The following RPTOR variants were observed in gnomAD, a reference collection of about 807,000 sequenced individuals.
RPTOR encodes regulatory-associated protein of mTOR.
RPTOR carries 21 observed loss-of-function variants against 169.9 expected under a neutral mutation model. That is an observed-to-expected ratio of 0.12 (90% CI 0.09 to 0.18). The LOEUF (loss-of-function observed/expected upper bound fraction) is 0.18. Ranked by LOEUF, RPTOR falls within the 10% of genes least tolerant of loss-of-function variation. RPTOR has a pLI of 1.00. For synonymous variants in RPTOR, 732 were observed against 753.2 expected (o/e 0.97, Z 0.46); for missense variants, 1,133 against 1,855.9 (o/e 0.61, Z 7.16).
rs577466692 is a variant in RPTOR, at chr17:80,633,735, C to T, written c.265+7942C>T. On this transcript the variant is annotated intron_variant, in intron 2 of 33. Coordinates refer to ENST00000306801, the MANE Select transcript of RPTOR (RefSeq NM_020761.3). This position sits in a 1 kb window ranked among gnomAD's most constrained non-coding sequence, Gnocchi z 4.1. ...GAGATTGTGCAAATATTCCTTTCCT[C>T]GTGACTTTCAATTTCTTCATTTTGA... 6.6e-6 allele frequency among the ~76,000 whole-genome samples: 1 copy of T among 152,302 alleles called. No homozygotes were observed. The highest frequency in any genetic ancestry group is 1.9e-4 in the East Asian group (1 of 5,176).
At position 80,893,696 on chromosome 17, in the gene RPTOR, G is replaced by A. The variant is rs17848701; in HGVS notation, c.2243-11G>A. ...GGGAGCACCCCACTGACCCCGTTGC[G>A]TCTCGGGCAGCTGGTGGCGCGGTGG... On this transcript the variant is annotated splice_polypyrimidine_tract_variant and intron_variant, in intron 19 of 33. Transcript: ENST00000306801. 3.9e-5 allele frequency: 63 copies of A among 1,607,694 alleles called. No homozygotes were observed. Among genetic ancestry groups the A allele is most frequent in the East Asian group, 2.3e-4 (10 of 44,270 alleles).
chr17:80,677,932 G>A (rs984599411), intron 3 of RPTOR, among the ~76,000 whole-genome samples: 4 of 152,116 alleles, frequency 2.6e-5, no homozygotes, highest in African/African-American at 9.7e-5. Context: ...TAAGGGATGG[G>A]GACTTCCAGG....
chr17:80,780,696 G>A (rs1031765953), intron 6 of RPTOR, among the ~76,000 whole-genome samples: 2 of 152,186 alleles, frequency 1.3e-5, no homozygotes, highest in Non-Finnish European at 2.9e-5. Context: ...CGTCAGGTGA[G>A]TCGTAAGAGT....
In RPTOR at chr17:80,707,286, C is replaced by T. The variant is rs1338944142; in HGVS notation, c.349-555C>T. Among the ~76,000 whole-genome samples, 1 of 152,158 alleles carries T rather than the reference C, an allele frequency of 6.6e-6. No homozygotes were observed. The highest frequency in any genetic ancestry group is 1.5e-5 in the Non-Finnish European group (1 of 68,034). ...GGTACCCCAGTGGCAGCTGCGTTTG[C>T]CTTGGTGTTGCCATGTGACAGGCAT... is the stretch of plus-strand genomic sequence containing the variant. On this transcript the variant is annotated intron_variant, in intron 3 of 33. Transcript: ENST00000306801. This position sits in a 1 kb window ranked among gnomAD's most constrained non-coding sequence, Gnocchi z 5.0.
chr17:80,648,417 A>G (rs8079156), intron 3 of RPTOR, among the ~76,000 whole-genome samples: 96,299 of 151,558 alleles, frequency 0.64, 31,031 homozygotes, highest in African/African-American at 0.74. Flanking sequence ...GAATCCAGGC[A>G]TCTTCTCCTT....
chr17:80,736,604 T>TC (rs767650137), intron 5 of RPTOR, among the ~76,000 whole-genome samples: 3 of 152,238 alleles, frequency 2.0e-5, no homozygotes, highest in Non-Finnish European at 2.9e-5. Context: ...AATGCATATC[T>TC]CACAGATCTA....
intron 4 of RPTOR, among the ~76,000 whole-genome samples, chr17:80,711,830 G>A (rs1409053362): frequency 2.9e-5 from 4 of 136,324 alleles, no homozygotes; most frequent in African/African-American, 5.7e-5. Flanking sequence ...TGCAGCGTCC[G>A]CCTCCTGGGT....
chr17:80,923,839 C>G (rs1262350960), intron 23 of RPTOR, 166 bp downstream of exon 23: 1 of 717,560 alleles, frequency 1.4e-6, no homozygotes, highest in African/African-American at 1.8e-5. Flanking sequence ...GACCCGGGTG[C>G]TGGTCCTCAC....
At position 80,964,378 on chromosome 17, in the gene RPTOR, G is replaced by C; in HGVS notation, c.*48G>C. On this transcript the variant is annotated 3_prime_UTR_variant, in exon 34 of 34. Coordinates refer to ENST00000306801, the MANE Select transcript of RPTOR (RefSeq NM_020761.3). ...GCCACGGCCGCCTGCTGTACATAGT[G>C]AAGCTGTCACTCGCCGGGGCACGGG... is the stretch of plus-strand genomic sequence containing the variant. The C allele has an allele frequency of 1.3e-6, 2 of 1,582,938 alleles. No individual in the cohort carries two copies. The highest frequency in any genetic ancestry group is 1.7e-6 in the Non-Finnish European group (2 of 1,163,534).
chr17:80,916,721 C>T (rs943862821), intron 21 of RPTOR, among the ~76,000 whole-genome samples: 47 of 152,266 alleles, frequency 3.1e-4, no homozygotes, highest in Middle Eastern at 6.8e-3. Flanking sequence ...AAACATTGGC[C>T]GAGTGCGATG....
chr17:80,676,652 C>G (rs1455377117), intron 3 of RPTOR, among the ~76,000 whole-genome samples: 1 of 152,214 alleles, frequency 6.6e-6, no homozygotes, highest in Non-Finnish European at 1.5e-5. Flanking sequence ...TGAGGTGGAG[C>G]ATTAGCTAAT....
intron 1 of RPTOR, among the ~76,000 whole-genome samples, chr17:80,621,508 A>G (rs1208846671): frequency 6.6e-6 from 1 of 151,918 alleles, no homozygotes. Context: ...GACGCAGAGG[A>G]GGAAGCAGAC....
intron 2 of RPTOR, among the ~76,000 whole-genome samples, chr17:80,627,710 G>T (rs565496340): frequency 6.6e-6 from 1 of 152,200 alleles, no homozygotes; most frequent in East Asian, 1.9e-4. Context: ...AGACATTTGG[G>T]TTGTTTCTAG....
Position 80,925,410 on chromosome 17 carries a change from T to C in RPTOR, c.2849T>C (p.Phe950Ser), listed in dbSNP as rs201694764. The change falls in exon 24 of 34, where the codon TTC becomes TCC. Residue 950 changes from phenylalanine (F) to serine (S), a missense_variant. Physicochemically the swap from Phe to Ser is radical, Grantham distance 155. Transcript: ENST00000306801. ...GACGATGCTGCTGGACACAAAAGTT[T>C]CATCTCCGCCACGGTGCAGACGGGG... is the stretch of plus-strand genomic sequence containing the variant. ...DADDAAGHKS[F>S]ISATVQTGFC... 2.5e-6 allele frequency: 4 copies of C among 1,613,736 alleles called. No homozygotes were observed. Among genetic ancestry groups the C allele is most frequent in the Non-Finnish European group, 3.4e-6 (4 of 1,180,026 alleles).
chr17:80,680,171 C>T (rs900775956), intron 3 of RPTOR, among the ~76,000 whole-genome samples: 1 of 152,250 alleles, frequency 6.6e-6, no homozygotes, highest in African/African-American at 2.4e-5. Context: ...GGCACATCTT[C>T]TCACCAGAAC....
At chr17:80,658,080 A>G (rs926905650) in intron 3 of RPTOR, among the ~76,000 whole-genome samples, 28 of 152,094 alleles carry the variant, frequency 1.8e-4, no homozygotes, top group African/African-American at 6.8e-4. Flanking sequence ...GATGCATTTA[A>G]CCCTCCTACC....
At chr17:80,780,475 C>G (rs192113956) in intron 6 of RPTOR, among the ~76,000 whole-genome samples, 290 of 152,274 alleles carry the variant, frequency 1.9e-3, no homozygotes, top group Middle Eastern at 6.8e-3. Flanking sequence ...CTGAACTCAT[C>G]TGTCCTGAAA....
intron 3 of RPTOR, among the ~76,000 whole-genome samples, chr17:80,693,441 C>G (rs2143747879): frequency 6.6e-6 from 1 of 152,340 alleles, no homozygotes; most frequent in African/African-American, 2.4e-5. Context: ...TCTTTTTGGA[C>G]TTTGAATAAT....
chr17:80,789,680 C>T (rs141268574), intron 6 of RPTOR, among the ~76,000 whole-genome samples: 3 of 152,324 alleles, frequency 2.0e-5, no homozygotes, highest in African/African-American at 4.8e-5. Context: ...GCCTTTCAGT[C>T]GCATGCTAAC....
Sources: allele counts gnomAD v4.1 joint callset (sites outside exome capture counted in the v4.1 genomes callset), GRCh38; gene constraint gnomAD v4.1.1; non-coding constraint Gnocchi (gnomAD v3.1); transcripts MANE v1.5; gene names NCBI Gene and HGNC (gene_info 2026-07-23, HGNC 2026-07-21).